CADPS: variants seen among roughly 807,000 people sequenced by gnomAD.
The protein encoded by CADPS is calcium-dependent secretion activator 1.
A neutral mutation model predicts 167.3 loss-of-function variants in CADPS; 57 were observed. That is an observed-to-expected ratio of 0.34 (90% CI 0.28 to 0.42). The LOEUF is 0.42. Ranked by LOEUF, CADPS falls within the 20% of genes least tolerant of loss-of-function variation. The pLI, the probability that CADPS is intolerant of heterozygous loss-of-function variation, is 1.00. For missense variants in CADPS, 1,414 were observed against 1,738.1 expected (o/e 0.81, Z 3.32); for synonymous variants, 676 against 635.3 (o/e 1.06, Z -0.96).
intron 6 of CADPS, among the ~76,000 whole-genome samples, chr3:62,622,796 C>T (rs2149501961): frequency 6.6e-6 from 1 of 152,268 alleles, no homozygotes; most frequent in Middle Eastern, 3.4e-3. Context: ...TAAATGTTCC[C>T]TAAAGTTTGA....
chr3:62,729,870 G>A lies in CADPS; in HGVS notation c.888+23571C>T, dbSNP rs148914910. ...TATTTCTGGTTCTCGTCTCTGCTGG[G>A]CATGTGGTAAGGCTATACTCTCAGC... is the stretch of plus-strand genomic sequence containing the variant. On this transcript the variant is annotated intron_variant, in intron 3 of 29. Transcript: ENST00000383710. 1.8e-3 allele frequency among the ~76,000 whole-genome samples: 278 copies of A among 151,902 alleles called. 6 individuals carry two copies. The highest frequency in any genetic ancestry group is 6.5e-3 in the African/African-American group (267 of 41,220).
At chr3:62,621,362 A>C (rs2063141553) in intron 6 of CADPS, among the ~76,000 whole-genome samples, 1 of 152,060 alleles carries the variant, frequency 6.6e-6, no homozygotes, top group Admixed American at 6.6e-5. Flanking sequence ...CCTTCAAGGA[A>C]TGGGAATGTT....
intron 6 of CADPS, among the ~76,000 whole-genome samples, chr3:62,606,738 A>C (rs551900103): frequency 7.9e-5 from 12 of 152,356 alleles, no homozygotes; most frequent in Middle Eastern, 3.4e-3. Context: ...GCACAGGCTT[A>C]AAATGGTGCT....
At chr3:62,633,961 A>G (rs571735327) in intron 6 of CADPS, among the ~76,000 whole-genome samples, 43 of 152,294 alleles carry the variant, frequency 2.8e-4, no homozygotes, top group African/African-American at 9.1e-4. Context: ...GCCTCTATAC[A>G]ACACACTTAG....
intron 11 of CADPS, among the ~76,000 whole-genome samples, chr3:62,545,427 A>C (rs529382353): frequency 6.6e-6 from 1 of 152,264 alleles, no homozygotes; most frequent in East Asian, 1.9e-4. Context: ...AATTGCAAGA[A>C]TTTGTTTAAA....
Position 62,753,424 on chromosome 3 carries a change from G to C in CADPS, c.888+17C>G. 6.3e-7 allele frequency: 1 copy of C among 1,589,750 alleles called. No individual in the cohort carries two copies. Among genetic ancestry groups the C allele is most frequent in the Non-Finnish European group, 8.6e-7 (1 of 1,162,966 alleles). On this transcript the variant is annotated intron_variant, in intron 3 of 29. Transcript: ENST00000383710. This position sits in a 1 kb window ranked among gnomAD's most constrained non-coding sequence, Gnocchi z 4.6. ...CTGCTTACCCACAGCTCTAGGCCCA[G>C]GCGAGAAACACCTTACCTGGCAGGC...
chr3:62,663,581 T>A (rs1251901838), intron 3 of CADPS, among the ~76,000 whole-genome samples: 1 of 147,012 alleles, frequency 6.8e-6, no homozygotes, highest in Non-Finnish European at 1.5e-5. Flanking sequence ...TAAAATCAAT[T>A]TTAGAAGAAA....
At chr3:62,454,843 T>C (rs573612987) in intron 26 of CADPS, among the ~76,000 whole-genome samples, 168 of 152,198 alleles carry the variant, frequency 1.1e-3, no homozygotes, top group African/African-American at 3.8e-3. Context: ...TAAATATTGA[T>C]TGTGATTAAA....
In CADPS at chr3:62,506,117, C is replaced by T. The variant is rs114542410; in HGVS notation, c.2599+6634G>A. ...AAATACTATTTAAGACAGCTGTGCG[C>T]GGTGGCTCACACCTGTAATCCCGGC... On this transcript the variant is annotated intron_variant, in intron 17 of 29. Transcript: ENST00000383710. Among the ~76,000 whole-genome samples the T allele has an allele frequency of 5.3e-3, 811 of 152,270 alleles. 6 individuals carry two copies. The highest frequency in any genetic ancestry group is 0.017 in the Middle Eastern group (5 of 294).
chr3:62,580,611 G>C (rs1450756771), intron 8 of CADPS, among the ~76,000 whole-genome samples: 2 of 144,706 alleles, frequency 1.4e-5, no homozygotes, highest in African/African-American at 5.4e-5. Context: ...AAAAAAGAAA[G>C]AGGCAAGAAA....
At chr3:62,628,842 G>A (rs1476191430) in intron 6 of CADPS, among the ~76,000 whole-genome samples, 1 of 151,866 alleles carries the variant, frequency 6.6e-6, no homozygotes, top group African/African-American at 2.4e-5. Context: ...GGTCAGTATT[G>A]TCTTGATCTC....
rs560056344 is a variant in CADPS at position 62,514,643 on chromosome 3, T to G, written c.2581+1416A>C. Among the ~76,000 whole-genome samples the G allele has an allele frequency of 6.6e-6, 1 of 152,264 alleles. No individual in the cohort carries two copies. Among genetic ancestry groups the G allele is most frequent in the African/African-American group, 2.4e-5 (1 of 41,566 alleles). On this transcript the variant is annotated intron_variant, in intron 16 of 29. Coordinates refer to ENST00000383710, the MANE Select transcript of CADPS (RefSeq NM_003716.4). The surrounding 1 kb of genome is among the most constrained non-coding windows in gnomAD (Gnocchi z 4.2). The stretch of plus-strand genomic sequence containing the variant: ...CTTAAAGTTTGTTTTTGGATAGATT[T>G]ATCTGAAAGAAGAGAGCAGATCTTA...
rs2083358323 is a variant in CADPS at position 62,874,792 on chromosome 3, G to A, written c.238C>T (p.Pro80Ser). 2 of 1,359,394 alleles carry A rather than the reference G, an allele frequency of 1.5e-6. No individual in the cohort carries two copies. The highest frequency in any genetic ancestry group is 2.7e-5 in the South Asian group (2 of 75,112). 84.2% of individuals were successfully genotyped at this position (1,359,394 alleles called of 1,614,324 possible). Residue 80 changes from proline (P) to serine (S), a missense_variant, in exon 1 of 30, where the codon CCC becomes TCC. Pro to Ser is a moderately conservative substitution (Grantham distance 74). Around this residue, in one of 6 missense-constraint regions of CADPS, gnomAD observed 522 missense variants for 559.5 expected, o/e 0.93. Coordinates refer to ENST00000383710, the MANE Select transcript of CADPS (RefSeq NM_003716.4). This position sits in a 1 kb window ranked among gnomAD's most constrained non-coding sequence, Gnocchi z 7.1. Reference protein sequence around the residue: ...SSGGGAGGLQPSSRAGGGRPS... With the variant: ...SSGGGAGGLQSSSRAGGGRPS... Reference sequence around the variant, plus strand: ...CGGCCGCCGCCAGCGCGGCTGCTGGGTTGCAGCCCCCCGGCCCCGCCGCCG... The same window carrying A: ...CGGCCGCCGCCAGCGCGGCTGCTGGATTGCAGCCCCCCGGCCCCGCCGCCG...
At chr3:62,570,238 T>TAAA (rs34173907) in intron 9 of CADPS, among the ~76,000 whole-genome samples, 4 of 143,982 alleles carry the variant, frequency 2.8e-5, no homozygotes, top group Admixed American at 1.4e-4. Flanking sequence ...TTGTTTCAGT[T>TAAA]AAAAAAAAAA....
chr3:62,813,158 G>A (rs1043142577), intron 1 of CADPS, among the ~76,000 whole-genome samples: 5 of 151,834 alleles, frequency 3.3e-5, no homozygotes, highest in African/African-American at 1.2e-4. Flanking sequence ...AATAGCCAAA[G>A]CAATACTAAG....
intron 6 of CADPS, among the ~76,000 whole-genome samples, chr3:62,617,091 G>C (rs1202414536): frequency 6.6e-6 from 1 of 152,168 alleles, no homozygotes; most frequent in Admixed American, 6.6e-5. Context: ...GTGCTGCAAA[G>C]ATGTCTAGCT....
intron 27 of CADPS, chr3:62,439,169 G>A (rs1230166341): frequency 6.6e-6 from 1 of 152,130 alleles, no homozygotes; most frequent in Admixed American, 6.5e-5. Context: ...AAAAAGATTA[G>A]TTTTCATTAC....
rs28559576 is a variant in CADPS at position 62,642,448 on chromosome 3, T to C, written c.1325+3274A>G. 3.4e-4 allele frequency among the ~76,000 whole-genome samples: 52 copies of C among 151,968 alleles called. No individual in the cohort carries two copies. The South Asian group carries it at 5.8e-3, about 17-fold the overall frequency. ...AAAAATCAAGTAGCAGAGATGACAG[T>C]TGGAGATTAGTAATAGGAGAAAGTG... On this transcript the variant is annotated intron_variant, in intron 6 of 29. Coordinates refer to ENST00000383710, the MANE Select transcript of CADPS (RefSeq NM_003716.4).
intron 11 of CADPS, among the ~76,000 whole-genome samples, chr3:62,547,596 CCCCG>C (rs57115017): frequency 2.0e-4 from 23 of 115,192 alleles, no homozygotes; most frequent in African/African-American, 6.5e-4. Flanking sequence ...GCCCCCCCCC[CCCCG>C]CAAATTCTAA....
Sources: allele counts gnomAD v4.1 joint callset (sites outside exome capture counted in the v4.1 genomes callset), GRCh38; gene constraint gnomAD v4.1.1; regional missense constraint gnomAD v4.1.1; non-coding constraint Gnocchi (gnomAD v3.1); transcripts MANE v1.5; gene names NCBI Gene and HGNC (gene_info 2026-07-23, HGNC 2026-07-21).